Variants in KCTD5 observed in about 807,000 individuals in gnomAD.
KCTD5 encodes potassium channel tetramerization domain containing 5.
KCTD5 carries 12 observed loss-of-function variants against 27.9 expected under a neutral mutation model. The ratio of observed to expected loss-of-function variants is 0.43; its 90% confidence interval spans 0.28 to 0.70. The LOEUF is 0.70. KCTD5 is among the 30% of genes least tolerant of loss of function. KCTD5 has a pLI of 0.19. For synonymous variants in KCTD5, 147 were observed against 121.4 expected (o/e 1.21, Z -1.39); for missense variants, 226 against 274.8 (o/e 0.82, Z 1.26).
intron 3 of KCTD5, among the ~76,000 whole-genome samples, chr16:2,698,493 C>G (rs1400939402): frequency 6.6e-6 from 1 of 152,220 alleles, no homozygotes; most frequent in East Asian, 1.9e-4. Flanking sequence ...CCTTCTGCAG[C>G]CAGGGGAGCC....
intron 4 of KCTD5, among the ~76,000 whole-genome samples, chr16:2,700,617 C>G (rs732057): frequency 0.27 from 40,891 of 152,028 alleles, 6,263 homozygotes; most frequent in Non-Finnish European, 0.33. Flanking sequence ...GGACAGTGAC[C>G]TCACCCAGCC....
At chr16:2,705,796 C>T (rs954681429) in intron 5 of KCTD5, among the ~76,000 whole-genome samples, 17 of 152,284 alleles carry the variant, frequency 1.1e-4, no homozygotes, top group African/African-American at 4.1e-4. Flanking sequence ...ATGGGTCTCA[C>T]CCCAGGCTCT....
chr16:2,701,314 G>A lies in KCTD5; in HGVS notation c.550-1039G>A, dbSNP rs539715727. ...GGGACCCCTTCTCCCAGTTCATGTA[G>A]GGAAGCCGCTGGGCTGACCAGCTGT... On this transcript the variant is annotated intron_variant, in intron 4 of 5. Transcript: ENST00000301738. Among the ~76,000 whole-genome samples, 7 of 152,288 alleles carry A rather than the reference G, an allele frequency of 4.6e-5. No homozygotes were observed. In the South Asian group the frequency reaches 1.5e-3, roughly 32 times the overall value.
intron 5 of KCTD5, among the ~76,000 whole-genome samples, chr16:2,706,955 G>A (rs977338543): frequency 6.6e-5 from 10 of 151,834 alleles, no homozygotes; most frequent in Non-Finnish European, 1.0e-4. Flanking sequence ...TTGGGGAGGG[G>A]GGACTGGACT....
chr16:2,688,185 C>G, intron 1 of KCTD5, among the ~76,000 whole-genome samples: 1 of 149,774 alleles, frequency 6.7e-6, no homozygotes. Flanking sequence ...GTCTTCATTT[C>G]ATGTTTGTAC....
chr16:2,692,802 A>G (rs543839011), intron 1 of KCTD5, among the ~76,000 whole-genome samples: 3 of 152,334 alleles, frequency 2.0e-5, no homozygotes, highest in South Asian at 4.1e-4. Flanking sequence ...TTGCTCCAAG[A>G]TCGGAGCAGG....
At chr16:2,706,433 G>T (rs1405664913) in intron 5 of KCTD5, among the ~76,000 whole-genome samples, 2 of 152,214 alleles carry the variant, frequency 1.3e-5, no homozygotes, top group African/African-American at 4.8e-5. Context: ...GCACAGTGAG[G>T]CTGGCTGGCT....
At chr16:2,690,836 C>T (rs1328424912) in intron 1 of KCTD5, among the ~76,000 whole-genome samples, 1 of 152,270 alleles carries the variant, frequency 6.6e-6, no homozygotes, top group Admixed American at 6.5e-5. Flanking sequence ...CTGCCTTTGT[C>T]TCCATGAGCC....
chr16:2,704,878 G>A (rs552987383), intron 5 of KCTD5, among the ~76,000 whole-genome samples: 8 of 152,320 alleles, frequency 5.3e-5, no homozygotes, highest in Non-Finnish European at 8.8e-5. Flanking sequence ...GGGGCCAGAG[G>A]CCAGGCGCCT....
intron 2 of KCTD5, chr16:2,697,175 G>A (rs2067590317): frequency 6.6e-6 from 1 of 152,510 alleles, no homozygotes; most frequent in South Asian, 2.1e-4. Context: ...GTCCCATGTA[G>A]GTGGCTGGGT....
chr16:2,696,920 G>A (rs1282337558), intron 2 of KCTD5, among the ~76,000 whole-genome samples: 3 of 152,230 alleles, frequency 2.0e-5, no homozygotes, highest in Non-Finnish European at 4.4e-5. Context: ...TTGTGTTGTC[G>A]TGGAGCCGCT....
intron 1 of KCTD5, among the ~76,000 whole-genome samples, chr16:2,688,349 C>T (rs12149376): frequency 0.14 from 20,549 of 151,310 alleles, 1,629 homozygotes; most frequent in Middle Eastern, 0.26. Context: ...CTCCTGGGTT[C>T]AAGCATTTCT....
intron 3 of KCTD5, 83 bp from the exon 4 acceptor site, chr16:2,699,738 C>T (rs1028124008): frequency 1.2e-5 from 15 of 1,296,166 alleles, no homozygotes; most frequent in South Asian, 3.6e-5. Flanking sequence ...GGACCTCAGC[C>T]TCCCTGGGTC....
At chr16:2,693,948 T>G (rs1263508014) in intron 1 of KCTD5, among the ~76,000 whole-genome samples, 1 of 146,502 alleles carries the variant, frequency 6.8e-6, no homozygotes, top group Non-Finnish European at 1.5e-5. Flanking sequence ...TTCTCTGGGG[T>G]TGTCCTGGGC....
At chr16:2,685,137 G>C (rs1238455796) in intron 1 of KCTD5, among the ~76,000 whole-genome samples, 2 of 152,132 alleles carry the variant, frequency 1.3e-5, no homozygotes, top group Non-Finnish European at 2.9e-5. Context: ...ACAATAATTG[G>C]AGTAGGGGCC....
chr16:2,700,300 A>G (rs1043461148), intron 4 of KCTD5, among the ~76,000 whole-genome samples: 2 of 152,174 alleles, frequency 1.3e-5, no homozygotes, highest in Admixed American at 1.3e-4. Context: ...GAGCATATGG[A>G]GGCCCTGACG....
At chr16:2,698,394 T>G (rs1244857092) in intron 3 of KCTD5, among the ~76,000 whole-genome samples, 2 of 152,190 alleles carry the variant, frequency 1.3e-5, no homozygotes, top group Non-Finnish European at 2.9e-5. Context: ...AGATGGGTCG[T>G]GTGGGTCTGC....
intron 1 of KCTD5, among the ~76,000 whole-genome samples, chr16:2,692,762 C>T (rs2067572172): frequency 6.6e-6 from 1 of 152,242 alleles, no homozygotes; most frequent in East Asian, 1.9e-4. Context: ...CTCCTGCTGC[C>T]ATACATGGCG....
intron 1 of KCTD5, among the ~76,000 whole-genome samples, chr16:2,688,277 G>A (rs964185292): frequency 5.7e-4 from 85 of 148,842 alleles, no homozygotes; most frequent in African/African-American, 2.1e-3. Context: ...TTGAGACGGA[G>A]TCTTGCTCTG....
Sources: allele counts gnomAD v4.1 joint callset (sites outside exome capture counted in the v4.1 genomes callset), GRCh38; gene constraint gnomAD v4.1.1; transcripts MANE v1.5; gene names NCBI Gene and HGNC (gene_info 2026-07-23, HGNC 2026-07-21).